The following ATP6V1D variants were observed in gnomAD, a reference collection of about 807,000 sequenced individuals.
ATP6V1D encodes the protein ATPase H+ transporting V1 subunit D.
Under a neutral mutation model 39.4 loss-of-function variants are expected in ATP6V1D, and 20 were observed. That is an observed-to-expected ratio of 0.51 (90% CI 0.36 to 0.74). The LOEUF (loss-of-function observed/expected upper bound fraction) is 0.74. Among genes scored for constraint, ATP6V1D ranks in the 30% least tolerant of loss-of-function variants. The pLI is 0.00. For synonymous variants in ATP6V1D, 100 were observed against 100.5 expected (o/e 0.99, Z 0.03); for missense variants, 228 against 291.6 (o/e 0.78, Z 1.59).
intron 7 of ATP6V1D, among the ~76,000 whole-genome samples, chr14:67,340,809 G>A (rs370064853): frequency 0.15 from 23,311 of 151,760 alleles, 3,390 homozygotes; most frequent in East Asian, 0.42. Flanking sequence ...GAGTGCCTGC[G>A]ATTGCAGGCG....
chr14:67,352,901 T>C (rs771749467), intron 2 of ATP6V1D, 22 bp downstream of exon 2: 10 of 1,527,442 alleles, frequency 6.5e-6, no homozygotes, highest in African/African-American at 4.1e-5. Context: ...ATAAATACTA[T>C]TCTAAGAAAA....
chr14:67,357,377 T>C (rs1208509041), intron 1 of ATP6V1D, among the ~76,000 whole-genome samples: 1 of 152,216 alleles, frequency 6.6e-6, no homozygotes, highest in Non-Finnish European at 1.5e-5. Flanking sequence ...ATCAAAGACA[T>C]CTGACTACAT....
rs1396642218 is a variant in ATP6V1D at position 67,338,040 on chromosome 14, CTT to C, written c.*579_*580del. ...TACTGATCTGAGCATGAGAACATGACTTAACAGTAAATTAATAAAAACGGAAT... is the reference window on the plus strand; with the variant it reads ...TACTGATCTGAGCATGAGAACATGACAACAGTAAATTAATAAAAACGGAAT... On this transcript the variant is annotated 3_prime_UTR_variant, in exon 9 of 9. Coordinates refer to ENST00000216442, the MANE Select transcript of ATP6V1D (RefSeq NM_015994.4). 2.0e-5 allele frequency: 3 copies of C among 152,218 alleles called. No individual in the cohort carries two copies. The highest frequency in any genetic ancestry group is 7.2e-5 in the African/African-American group (3 of 41,438). The allele number at this position is 152,218 out of a possible 1,614,324, so 9.4% of individuals were successfully genotyped here. A position where few individuals can be genotyped will look rare whatever the true frequency, so the allele number is the denominator to read the frequency against.
intron 1 of ATP6V1D, among the ~76,000 whole-genome samples, chr14:67,359,204 T>G (rs1273930318): frequency 6.6e-6 from 1 of 152,216 alleles, no homozygotes; most frequent in Non-Finnish European, 1.5e-5. Flanking sequence ...CACTTTGGCT[T>G]AGGGACCTCT....
chr14:67,342,466 G>A (rs947522454), intron 7 of ATP6V1D, among the ~76,000 whole-genome samples: 1 of 150,744 alleles, frequency 6.6e-6, no homozygotes, highest in South Asian at 2.1e-4. Context: ...GAGAATGCTC[G>A]ATTGAGTTTA....
chr14:67,351,471 C>T (rs907094409), intron 2 of ATP6V1D, among the ~76,000 whole-genome samples: 1 of 152,136 alleles, frequency 6.6e-6, no homozygotes, highest in Non-Finnish European at 1.5e-5. Flanking sequence ...AAGAAAAAGA[C>T]CAACAGATTT....
chr14:67,349,233 GTCCTTTTTCC>G, intron 3 of ATP6V1D, 129 bp from the exon 4 acceptor site: 1 of 900,880 alleles, frequency 1.1e-6, no homozygotes, highest in African/African-American at 1.7e-5. Flanking sequence ...TTTGATAACT[GTCCTTTTTCC>G]AAAAAGGGAG....
chr14:67,349,167 C>G, intron 3 of ATP6V1D, 63 bp from the exon 4 acceptor site: 2 of 1,486,410 alleles, frequency 1.3e-6, no homozygotes, highest in South Asian at 2.3e-5. Flanking sequence ...CAGGGACCCA[C>G]TGGATAGTTT....
intron 4 of ATP6V1D, 90 bp from the exon 5 acceptor site, chr14:67,347,543 C>T (rs967132906): frequency 5.9e-6 from 7 of 1,179,948 alleles, no homozygotes; most frequent in Admixed American, 2.1e-5. Flanking sequence ...CTCTTGTCGC[C>T]GAGGCTGGAA....
rs747155156 is a variant in ATP6V1D at position 67,349,021 on chromosome 14, A to G, written c.307+16T>C. 34 of 1,611,590 alleles carry G rather than the reference A, an allele frequency of 2.1e-5. No individual in the cohort carries two copies. Among genetic ancestry groups the G allele is most frequent in the Non-Finnish European group, 2.9e-5 (34 of 1,178,030 alleles). Reference sequence around the variant, plus strand: ...TCTTTTCTCCCCAAAGGGTTTCTAAAAGGTTGAAACGTTACCTGCTACATT... The same window carrying G: ...TCTTTTCTCCCCAAAGGGTTTCTAAGAGGTTGAAACGTTACCTGCTACATT... On this transcript the variant is annotated intron_variant, in intron 4 of 8. Coordinates refer to ENST00000216442, the MANE Select transcript of ATP6V1D (RefSeq NM_015994.4).
chr14:67,352,973 A>AT lies in ATP6V1D; in HGVS notation c.108dup (p.Ser37IlefsTer2), dbSNP rs1281954651. 1.9e-6 allele frequency: 3 copies of AT among 1,613,994 alleles called. No homozygotes were observed. Among genetic ancestry groups the AT allele is most frequent in the East Asian group, 2.2e-5 (1 of 44,872 alleles). Reference sequence around the variant, plus strand: ...CGAAATCGAAGAGTTAAGGCATCAGATTTTTTCTTCAGGAGGTTTCGACCT... The same window carrying AT: ...CGAAATCGAAGAGTTAAGGCATCAGATTTTTTTCTTCAGGAGGTTTCGACCT... On this transcript the variant is annotated frameshift_variant, in exon 2 of 9. Coordinates refer to ENST00000216442, the MANE Select transcript of ATP6V1D (RefSeq NM_015994.4). LOFTEE classifies it high-confidence loss of function.
At position 67,353,004 on chromosome 14, in the gene ATP6V1D, T is replaced by G. The variant is rs1465629979; in HGVS notation, c.78A>C (p.Ala26=). The change falls in exon 2 of 9, where the codon GCA becomes GCC. Residue 26 remains alanine, a synonymous_variant. Transcript: ENST00000216442. ...TCTTCAGGAGGTTTCGACCTGTCTG[T>G]GCTCCCTTTAAACGAGCCTTCATGA... The part of the protein sequence containing the change: ...QTIMKARLKG[A]QTGRNLLKKK... The G allele has an allele frequency of 6.2e-7, 1 of 1,614,102 alleles. No individual in the cohort carries two copies. The highest frequency in any genetic ancestry group is 1.1e-5 in the South Asian group (1 of 91,056).
chr14:67,341,043 G>A (rs1221816088), intron 7 of ATP6V1D, among the ~76,000 whole-genome samples: 1 of 152,146 alleles, frequency 6.6e-6, no homozygotes, highest in African/African-American at 2.4e-5. Flanking sequence ...CCTCCCAGCC[G>A]CCTGCCTTGG....
chr14:67,341,425 C>T (rs980801950), intron 7 of ATP6V1D, among the ~76,000 whole-genome samples: 6 of 151,590 alleles, frequency 4.0e-5, no homozygotes, highest in South Asian at 2.1e-4. Flanking sequence ...AAGTGAGGAG[C>T]GTCTCCGCCC....
chr14:67,356,502 A>T (rs1238321422), intron 1 of ATP6V1D, among the ~76,000 whole-genome samples: 1 of 152,134 alleles, frequency 6.6e-6, no homozygotes, highest in Non-Finnish European at 1.5e-5. Context: ...GGAATCTTTT[A>T]CCATAGGGCT....
intron 8 of ATP6V1D, among the ~76,000 whole-genome samples, chr14:67,339,767 G>A (rs918451020): frequency 2.0e-5 from 3 of 152,038 alleles, no homozygotes; most frequent in African/African-American, 7.2e-5. Flanking sequence ...CAGTTTTTAT[G>A]TAGGAGGCAC....
At chr14:67,349,236 C>A in intron 3 of ATP6V1D, 132 bp from the exon 4 acceptor site, 1 of 877,778 alleles carries the variant, frequency 1.1e-6, no homozygotes. Context: ...GATAACTGTC[C>A]TTTTTCCAAA....
chr14:67,341,137 C>T (rs1272412996), intron 7 of ATP6V1D, among the ~76,000 whole-genome samples: 2 of 152,086 alleles, frequency 1.3e-5, no homozygotes, highest in Non-Finnish European at 1.5e-5. Flanking sequence ...GGCCGCCCAT[C>T]GTCTGGGATG....
intron 3 of ATP6V1D, among the ~76,000 whole-genome samples, chr14:67,349,439 C>A (rs995928822): frequency 6.6e-6 from 1 of 152,200 alleles, no homozygotes; most frequent in Non-Finnish European, 1.5e-5. Context: ...GAGAAAACTC[C>A]TTTCTAGGTT....
Sources: allele counts gnomAD v4.1 joint callset (sites outside exome capture counted in the v4.1 genomes callset), GRCh38; gene constraint gnomAD v4.1.1; transcripts MANE v1.5; gene names NCBI Gene and HGNC (gene_info 2026-07-23, HGNC 2026-07-21).